Variants in FOXP1 observed in about 807,000 individuals in gnomAD.
The protein encoded by FOXP1 is forkhead box P1.
In FOXP1, 15 loss-of-function variants were observed where a neutral mutation model predicts 98.2. That is an observed-to-expected ratio of 0.15 (90% confidence interval 0.10 to 0.24). The LOEUF (loss-of-function observed/expected upper bound fraction) is 0.24. Ranked by LOEUF, FOXP1 falls within the 10% of genes least tolerant of loss-of-function variation. FOXP1 has a pLI of 1.00. For missense variants in FOXP1, 633 were observed against 848.5 expected, an observed-to-expected ratio of 0.75 and a Z score of 3.15; for synonymous variants, 371 against 314.5, an observed-to-expected ratio of 1.18 and a Z score of -1.90.
chr3:71,376,723 T>C (rs1307200845), intron 3 of FOXP1, among the ~76,000 whole-genome samples: 1 of 152,186 alleles, frequency 6.6e-6, no homozygotes, highest in Admixed American at 6.5e-5. Context: ...CTTAGCCTTT[T>C]CCTCTTAACC....
intron 6 of FOXP1, among the ~76,000 whole-genome samples, chr3:71,180,448 A>T (rs2062222703): frequency 6.6e-6 from 1 of 151,890 alleles, no homozygotes; most frequent in Admixed American, 6.6e-5. Flanking sequence ...AGATGTTTTA[A>T]AAAAAAATGC....
chr3:71,544,707 A>T (rs2107634524), intron 2 of FOXP1, among the ~76,000 whole-genome samples: 1 of 152,340 alleles, frequency 6.6e-6, no homozygotes, highest in Middle Eastern at 3.4e-3. Context: ...GATCACAAAG[A>T]GGTAAGAGAG....
intron 6 of FOXP1, among the ~76,000 whole-genome samples, chr3:71,173,146 TC>T (rs1196354321): frequency 6.6e-6 from 1 of 152,042 alleles, no homozygotes; most frequent in Non-Finnish European, 1.5e-5. Context: ...TCACCTTTTT[TC>T]CCCCTCTACT....
intron 3 of FOXP1, among the ~76,000 whole-genome samples, chr3:71,412,956 TA>T: frequency 6.6e-6 from 1 of 152,148 alleles, no homozygotes; most frequent in East Asian, 1.9e-4. Context: ...AGTAAGAGTT[TA>T]AAAAAAGGAG....
intron 6 of FOXP1, among the ~76,000 whole-genome samples, chr3:71,183,929 G>T (rs2062487213): frequency 6.6e-6 from 1 of 152,178 alleles, no homozygotes; most frequent in South Asian, 2.1e-4. Flanking sequence ...GAGGTGGGAA[G>T]ATCACCTGAG....
At chr3:71,413,259 G>GACACACACACACACACACACACAC (rs528319234) in intron 3 of FOXP1, among the ~76,000 whole-genome samples, 1 of 64,474 alleles carries the variant, frequency 1.6e-5, no homozygotes, top group Non-Finnish European at 3.0e-5. Flanking sequence ...CCCCCAAATA[G>GACACACACACACACACACACACAC]ACACACACAC....
chr3:71,099,971 A>C (rs1229149477), intron 7 of FOXP1, among the ~76,000 whole-genome samples: 1 of 152,206 alleles, frequency 6.6e-6, no homozygotes, highest in Non-Finnish European at 1.5e-5. Flanking sequence ...AAAAACACAA[A>C]GCATATGTTT....
intron 6 of FOXP1, among the ~76,000 whole-genome samples, chr3:71,119,043 C>T (rs372759029): frequency 6.6e-6 from 1 of 152,192 alleles, no homozygotes; most frequent in Non-Finnish European, 1.5e-5. Flanking sequence ...CCTATATAAA[C>T]ACATCTTCCA....
At chr3:71,175,273 T>C (rs1260317828) in intron 6 of FOXP1, among the ~76,000 whole-genome samples, 1 of 152,182 alleles carries the variant, frequency 6.6e-6, no homozygotes, top group Non-Finnish European at 1.5e-5. Context: ...AACATGCATG[T>C]ACTTCATTTC....
intron 5 of FOXP1, among the ~76,000 whole-genome samples, chr3:71,275,912 T>C (rs2070836610): frequency 6.6e-6 from 1 of 152,242 alleles, no homozygotes; most frequent in Non-Finnish European, 1.5e-5. Flanking sequence ...AGCATTCTTT[T>C]AGCCTGTTTT....
In FOXP1 at chr3:71,513,917, T is replaced by C. The variant is rs143882478; in HGVS notation, c.-297-20362A>G. On this transcript the variant is annotated intron_variant, in intron 2 of 20. Coordinates refer to ENST00000649528, the MANE Select transcript of FOXP1 (RefSeq NM_001349338.3). Reference sequence around the variant, plus strand: ...TCAGAGCTTGCCAGCTCCCCTAAGCTGCTTCTCTTGCCAGTGAGCTTTCTT... The same window carrying C: ...TCAGAGCTTGCCAGCTCCCCTAAGCCGCTTCTCTTGCCAGTGAGCTTTCTT... Among the ~76,000 whole-genome samples the C allele has an allele frequency of 5.4e-4, 82 of 152,382 alleles. No individual in the cohort carries two copies. In the East Asian group the frequency reaches 0.014, roughly 25 times the overall value.
At chr3:70,970,373 G>A (rs1241095506) in intron 19 of FOXP1, 2 of 298,042 alleles carry the variant, frequency 6.7e-6, no homozygotes, top group Non-Finnish European at 1.3e-5. Flanking sequence ...ACAATAGAAG[G>A]TCATGTGACG....
intron 6 of FOXP1, among the ~76,000 whole-genome samples, chr3:71,122,273 GGCAAAGAA>G (rs1457878404): frequency 5.3e-5 from 8 of 152,118 alleles, no homozygotes; most frequent in Admixed American, 5.2e-4. Context: ...CCTGAATTTG[GGCAAAGAA>G]GCAAAGAGTA....
intron 6 of FOXP1, among the ~76,000 whole-genome samples, chr3:71,155,188 T>G (rs1341880737): frequency 6.6e-6 from 1 of 152,158 alleles, no homozygotes; most frequent in African/African-American, 2.4e-5. Context: ...ATGACATGTA[T>G]TTTTAAAGGT....
chr3:71,210,982 A>G (rs1010087704), intron 5 of FOXP1: 1 of 152,206 alleles, frequency 6.6e-6, no homozygotes, highest in African/African-American at 2.4e-5. Context: ...TGGTAATCCA[A>G]AGAGTTGTAA....
chr3:70,965,107 C>G (rs2034462166), intron 20 of FOXP1, among the ~76,000 whole-genome samples: 1 of 152,298 alleles, frequency 6.6e-6, no homozygotes, highest in East Asian at 1.9e-4. Context: ...ACTGTCATCC[C>G]ACAGCATCTC....
At chr3:71,427,017 C>T (rs897872021) in intron 3 of FOXP1, among the ~76,000 whole-genome samples, 2 of 149,326 alleles carry the variant, frequency 1.3e-5, no homozygotes, top group African/African-American at 5.0e-5. Flanking sequence ...GCCAAGATCG[C>T]ACCACTGCAC....
chr3:71,477,057 T>A (rs1339514758), intron 3 of FOXP1, among the ~76,000 whole-genome samples: 1 of 152,160 alleles, frequency 6.6e-6, no homozygotes, highest in African/African-American at 2.4e-5. Context: ...CCTTTATGTA[T>A]CACCAGAGCC....
At chr3:71,106,671 A>G (rs1403225826) in intron 7 of FOXP1, among the ~76,000 whole-genome samples, 1 of 150,038 alleles carries the variant, frequency 6.7e-6, no homozygotes, top group East Asian at 2.0e-4. Context: ...TGTTACCCAG[A>G]CTGGCCTCAA....
Sources: allele counts gnomAD v4.1 joint callset (sites outside exome capture counted in the v4.1 genomes callset), GRCh38; gene constraint gnomAD v4.1.1; transcripts MANE v1.5; gene names NCBI Gene and HGNC (gene_info 2026-07-23, HGNC 2026-07-21).